LAMB4: variants seen among roughly 807,000 people sequenced by gnomAD.
The protein encoded by LAMB4 is laminin subunit beta 4.
LAMB4 carries 196 observed loss-of-function variants against 199.2 expected under a neutral mutation model. That is an observed-to-expected ratio of 0.98 (90% CI 0.88 to 1.11). The LOEUF (loss-of-function observed/expected upper bound fraction) is 1.11. LAMB4 is among the 50% of genes least tolerant of loss of function. LAMB4 has a pLI of 0.00. For missense variants in LAMB4, 2,080 were observed against 2,171.2 expected (o/e 0.96, Z 0.83); for synonymous variants, 744 against 770.6 (o/e 0.97, Z 0.57).
At chr7:108,059,724 C>A (rs1450310774) in intron 23 of LAMB4, among the ~76,000 whole-genome samples, 1 of 152,172 alleles carries the variant, frequency 6.6e-6, no homozygotes, top group Non-Finnish European at 1.5e-5. Context: ...CTGAAGCCTG[C>A]ACGCAATGAA....
intron 1 of LAMB4, among the ~76,000 whole-genome samples, chr7:108,126,550 C>CTTTT (rs2038786753): frequency 2.2e-5 from 1 of 45,458 alleles, no homozygotes; most frequent in Non-Finnish European, 4.1e-5. Flanking sequence ...GTCAGAATTT[C>CTTTT]TTTCTTTTTT....
chr7:108,034,313 T>A lies in LAMB4; in HGVS notation c.4713A>T (p.Lys1571Asn). ...GAGCTTGTTGTAACTGGTTCAATGT[T>A]TTGTCAAGATTTAATAGAATATTTG... Reference protein sequence around the residue: ...KAANILLNLDKTLNQLQQAQI... With the variant: ...KAANILLNLDNTLNQLQQAQI... The change falls in exon 31 of 34, where the codon AAA (lysine) becomes AAT (asparagine). Residue 1571 changes from lysine to asparagine, a missense_variant. Transcript: ENST00000388781. 6.2e-7 allele frequency: 1 copy of A among 1,611,570 alleles called. No individual in the cohort carries two copies. The highest frequency in any genetic ancestry group is 1.1e-5 in the South Asian group (1 of 91,016).
intron 18 of LAMB4, 42 bp downstream of exon 18, chr7:108,069,666 G>C: frequency 6.4e-7 from 1 of 1,558,732 alleles, no homozygotes; most frequent in Non-Finnish European, 8.8e-7. Context: ...GCATTTGTAT[G>C]GATGTCAGTG....
intron 4 of LAMB4, among the ~76,000 whole-genome samples, chr7:108,110,840 T>C (rs2038197675): frequency 6.6e-6 from 1 of 152,138 alleles, no homozygotes; most frequent in Admixed American, 6.5e-5. Context: ...CAAAATGAAA[T>C]GGCATTTAGT....
chr7:108,055,031 T>A (rs1156603561), intron 25 of LAMB4, among the ~76,000 whole-genome samples: 1 of 152,222 alleles, frequency 6.6e-6, no homozygotes, highest in East Asian at 1.9e-4. Flanking sequence ...ATGTTGTTTT[T>A]GAAACTACCA....
intron 26 of LAMB4, among the ~76,000 whole-genome samples, chr7:108,049,790 C>T (rs753405414): frequency 3.9e-5 from 6 of 152,296 alleles, no homozygotes; most frequent in East Asian, 1.9e-4. Context: ...CCTTTACTGC[C>T]TGGGCATACC....
At chr7:108,079,955 G>A (rs1401719629) in intron 14 of LAMB4, among the ~76,000 whole-genome samples, 169 bp from the exon 15 acceptor site, 1 of 152,210 alleles carries the variant, frequency 6.6e-6, no homozygotes, top group Non-Finnish European at 1.5e-5. Context: ...ATCCAGCTGA[G>A]AATAATGTGC....
At chr7:108,085,173 T>A (rs1349048106) in intron 14 of LAMB4, among the ~76,000 whole-genome samples, 3 of 152,216 alleles carry the variant, frequency 2.0e-5, no homozygotes, top group Admixed American at 6.5e-5. Flanking sequence ...CTCATCAATA[T>A]GCTGAAGGTA....
At chr7:108,124,322 T>C (rs2038702836) in intron 1 of LAMB4, among the ~76,000 whole-genome samples, 1 of 152,236 alleles carries the variant, frequency 6.6e-6, no homozygotes, top group Admixed American at 6.5e-5. Flanking sequence ...GTACTTGGTT[T>C]ATAATATTTT....
At chr7:108,093,768 G>A (rs920853366) in intron 12 of LAMB4, among the ~76,000 whole-genome samples, 1 of 152,090 alleles carries the variant, frequency 6.6e-6, no homozygotes, top group African/African-American at 2.4e-5. Flanking sequence ...AATTCTCTTT[G>A]GAAATGGTCT....
At chr7:108,044,990 A>G (rs1160708872) in intron 28 of LAMB4, among the ~76,000 whole-genome samples, 3 of 147,512 alleles carry the variant, frequency 2.0e-5, no homozygotes, top group Non-Finnish European at 4.4e-5. Flanking sequence ...GAAAAGAAAA[A>G]AAAGAAAAAA....
In LAMB4 at chr7:108,109,211, T is replaced by A; in HGVS notation, c.362A>T (p.Glu121Val). 6.2e-7 allele frequency: 1 copy of A among 1,613,702 alleles called. No homozygotes were observed. The highest frequency in any genetic ancestry group is 8.5e-7 in the Non-Finnish European group (1 of 1,179,774). Residue 121 changes from glutamate to valine, a missense_variant, in exon 5 of 34, where the codon GAG (glutamate) becomes GTG (valine). Coordinates refer to ENST00000388781, the MANE Select transcript of LAMB4 (RefSeq NM_007356.3). ...AAGGTGGCTGAACCGAAATAATGCC[T>A]CTAAGTCCAGTCTGATGCTGACATG... is the stretch of plus-strand genomic sequence containing the variant. ...LDHVSIRLDLEALFRFSHLIL... is the reference protein window; with the variant it reads ...LDHVSIRLDLVALFRFSHLIL...
At chr7:108,103,022 C>A in intron 10 of LAMB4, 22 bp downstream of exon 10, 2 of 1,542,110 alleles carry the variant, frequency 1.3e-6, no homozygotes, top group East Asian at 2.3e-5. Context: ...TGGGTAGGAT[C>A]CAGGCAGACC....
At chr7:108,110,076 C>A (rs939162702) in intron 4 of LAMB4, among the ~76,000 whole-genome samples, 5 of 152,336 alleles carry the variant, frequency 3.3e-5, no homozygotes, top group Admixed American at 3.3e-4. Context: ...GTCCCCCAGA[C>A]TGGAGTGCAG....
At position 108,045,474 on chromosome 7, in the gene LAMB4, G is replaced by A. The variant is rs62468023; in HGVS notation, c.4327-1578C>T. On this transcript the variant is annotated intron_variant, in intron 28 of 33. Transcript: ENST00000388781. ...CATCAACATGACATCCCCTCTCATCGTTTTCCAGTTCTCCATTTATGTGCT... is the reference window on the plus strand; with the variant it reads ...CATCAACATGACATCCCCTCTCATCATTTTCCAGTTCTCCATTTATGTGCT... Among the ~76,000 whole-genome samples the A allele has an allele frequency of 3.7e-3, 562 of 152,226 alleles. 1 individual carries two copies. Among genetic ancestry groups the A allele is most frequent in the Non-Finnish European group, 6.6e-3 (449 of 68,020 alleles).
chr7:108,072,085 A>T (rs975037507), intron 17 of LAMB4, among the ~76,000 whole-genome samples: 1 of 152,192 alleles, frequency 6.6e-6, no homozygotes, highest in African/African-American at 2.4e-5. Context: ...TGTTTATTAC[A>T]GGCATTTAGA....
In LAMB4 at chr7:108,023,870, C is replaced by G; in HGVS notation, c.*169G>C. 2 of 415,974 alleles carry G rather than the reference C, an allele frequency of 4.8e-6. No homozygotes were observed. Among genetic ancestry groups the G allele is most frequent in the Non-Finnish European group, 8.4e-6 (2 of 237,416 alleles). 25.8% of individuals were successfully genotyped at this position (415,974 alleles called of 1,614,324 possible). On this transcript the variant is annotated 3_prime_UTR_variant, in exon 34 of 34. Transcript: ENST00000388781. Reference sequence around the variant, plus strand: ...CTTTCAATTATGAAGTGGCATTTTCCTGGTGGCATTTCAACCTCCAGCCAC... The same window carrying G: ...CTTTCAATTATGAAGTGGCATTTTCGTGGTGGCATTTCAACCTCCAGCCAC...
chr7:108,113,640 C>T (rs1025929576), intron 3 of LAMB4, among the ~76,000 whole-genome samples: 1 of 152,154 alleles, frequency 6.6e-6, no homozygotes, highest in Non-Finnish European at 1.5e-5. Context: ...ATGGAAATTA[C>T]TTGAGAAAAT....
At chr7:108,020,485 A>G (rs546362502), downstream of LAMB4, among the ~76,000 whole-genome samples, 12 of 151,804 alleles carry the variant, frequency 7.9e-5, no homozygotes, top group Non-Finnish European at 1.2e-4. Context: ...AAAAAAAAAA[A>G]AAAAAGAAAA....
Sources: gnomAD v4.1 joint callset for allele counts (sites outside exome capture counted in the v4.1 genomes callset) on GRCh38, gnomAD v4.1.1 for gene constraint, MANE v1.5 for transcripts, NCBI Gene and HGNC (gene_info 2026-07-23, HGNC 2026-07-21) for gene names.